Variants in MRPS31 observed in about 807,000 individuals in gnomAD.
The protein encoded by MRPS31 is mitochondrial ribosomal protein S31.
A neutral mutation model predicts 43.1 loss-of-function variants in MRPS31; 32 were observed. The ratio of observed to expected loss-of-function variants is 0.74; its 90% CI spans 0.56 to 1.00. The LOEUF (loss-of-function observed/expected upper bound fraction) is 1.00. MRPS31 is among the 50% of genes least tolerant of loss of function. The pLI is 0.00. For synonymous variants in MRPS31, 165 were observed against 161.6 expected (o/e 1.02, Z -0.16); for missense variants, 437 against 466.7 (o/e 0.94, Z 0.59).
intron 3 of MRPS31, among the ~76,000 whole-genome samples, chr13:40,757,818 G>T (rs1320318037): frequency 6.7e-6 from 1 of 148,896 alleles, no homozygotes; most frequent in Non-Finnish European, 1.5e-5. Context: ...TGAGATCACA[G>T]CTCAATGCAA....
In MRPS31 at chr13:40,741,182, G is replaced by A. The variant is rs1293447182; in HGVS notation, c.958+7956C>T. Among the ~76,000 whole-genome samples the A allele has an allele frequency of 7.9e-5, 12 of 151,986 alleles. No individual in the cohort carries two copies. In the East Asian group the frequency reaches 1.4e-3, roughly 17 times the overall value. On this transcript the variant is annotated intron_variant, in intron 6 of 6. Transcript: ENST00000323563. The stretch of plus-strand genomic sequence containing the variant: ...TAAAAGATTAAAAACTGTTGGCTCT[G>A]AGAACAGGCTTAATAGGTGATAAAA...
intron 2 of MRPS31, among the ~76,000 whole-genome samples, chr13:40,765,342 T>C (rs1880815050): frequency 6.6e-6 from 1 of 152,226 alleles, no homozygotes; most frequent in Admixed American, 6.5e-5. Context: ...GCCTCACTCA[T>C]ACCTAATTGG....
At chr13:40,736,635 T>C (rs1430507684) in intron 6 of MRPS31, among the ~76,000 whole-genome samples, 1 of 150,696 alleles carries the variant, frequency 6.6e-6, no homozygotes, top group African/African-American at 2.5e-5. Context: ...TTGAACATTC[T>C]TAAAGAAAAG....
At chr13:40,755,261 T>C (rs1216081508) in intron 4 of MRPS31, among the ~76,000 whole-genome samples, 1 of 152,250 alleles carries the variant, frequency 6.6e-6, no homozygotes, top group East Asian at 1.9e-4. Context: ...CTCTCTTCAG[T>C]GCCTTGCATT....
At position 40,759,101 on chromosome 13, in the gene MRPS31, T is replaced by C; in HGVS notation, c.446A>G (p.Glu149Gly). The change falls in exon 3 of 7, where the codon GAG (glutamate) becomes GGG (glycine). Residue 149 changes from glutamate to glycine, a missense_variant. Glu to Gly is a moderately conservative substitution (Grantham distance 98). Transcript: ENST00000323563. The stretch of plus-strand genomic sequence containing the variant: ...TGCCACCAACTCAGGACTCAGGGGC[T>C]CAATTCTGAAAAAGAAAATGAAAAA... ...ATEYAPKKRI[E>G]PLSPELVAAA... 1 of 1,567,852 alleles carries C rather than the reference T, an allele frequency of 6.4e-7. No individual in the cohort carries two copies. Among genetic ancestry groups the C allele is most frequent in the Non-Finnish European group, 8.6e-7 (1 of 1,162,832 alleles).
rs756255100 is a variant in MRPS31 at position 40,759,119 on chromosome 13, A to T, written c.441-13T>A. On this transcript the variant is annotated splice_polypyrimidine_tract_variant and intron_variant, in intron 2 of 6. Coordinates refer to ENST00000323563, the MANE Select transcript of MRPS31 (RefSeq NM_005830.4). ...CAGGGGCTCAATTCTGAAAAAGAAA[A>T]TGAAAAACAAATGAGAAAGAAAAAA... is the stretch of plus-strand genomic sequence containing the variant. 6.4e-7 allele frequency: 1 copy of T among 1,562,460 alleles called. No homozygotes were observed. Among genetic ancestry groups the T allele is most frequent in the Admixed American group, 2.0e-5 (1 of 50,438 alleles).
In MRPS31 at chr13:40,771,120, G is replaced by C; in HGVS notation, c.17C>G (p.Ser6Trp). ...AAGGGGGCGAAGAGGTAGGAACGTC[G>C]AGACTCTAGGAAACATCGCCGAGAC... is the stretch of plus-strand genomic sequence containing the variant. MFPRV[S>W]TFLPLRPLSR... The change falls in exon 1 of 7, where the codon TCG (serine) becomes TGG (tryptophan). Residue 6 changes from serine (S) to tryptophan (W), a missense_variant. Ser to Trp is a radical substitution (Grantham distance 177). Transcript: ENST00000323563. The C allele has an allele frequency of 1.2e-6, 2 of 1,611,518 alleles. No homozygotes were observed. The highest frequency in any genetic ancestry group is 8.5e-7 in the Non-Finnish European group (1 of 1,178,610).
intron 6 of MRPS31, among the ~76,000 whole-genome samples, chr13:40,741,787 G>T (rs1018846948): frequency 3.3e-5 from 5 of 151,990 alleles, no homozygotes; most frequent in African/African-American, 1.2e-4. Flanking sequence ...ATTATAGTCT[G>T]CATTCATAAC....
In MRPS31 at chr13:40,754,053, G is replaced by A; in HGVS notation, c.780C>T (p.Asp260=). 2 of 1,599,744 alleles carry A rather than the reference G, an allele frequency of 1.3e-6. No homozygotes were observed. Among genetic ancestry groups the A allele is most frequent in the Non-Finnish European group, 1.7e-6 (2 of 1,171,590 alleles). ...IFTGKRLNIF[D]MMAVTKEAPE... is the part of the protein sequence containing the mutation. ...GTGCTTCTTTAGTAACTGCCATCAT[G>A]TCAAAAATATTAAGTCTTTTCCCTG... Residue 260 remains aspartate, a synonymous_variant, in exon 5 of 7, where the codon GAC becomes GAT. Transcript: ENST00000323563.
At chr13:40,729,886 C>T (rs544861938) in intron 6 of MRPS31, among the ~76,000 whole-genome samples, 4 of 151,840 alleles carry the variant, frequency 2.6e-5, no homozygotes, top group Admixed American at 1.3e-4. Context: ...TGTACCACCA[C>T]GCCCAGCTAA....
chr13:40,771,167 A>G lies in MRPS31; in HGVS notation c.-31T>C, dbSNP rs749153113. The stretch of plus-strand genomic sequence containing the variant: ...AGACACGAAATGAACCAAGAACACA[A>G]CTGAAATGGTGCGTCCCGCTGCCAA... On this transcript the variant is annotated 5_prime_UTR_variant, in exon 1 of 7. Transcript: ENST00000323563. The G allele has an allele frequency of 5.1e-6, 8 of 1,568,488 alleles. No individual in the cohort carries two copies. The South Asian group carries it at 7.0e-5, about 14-fold the overall frequency.
chr13:40,764,503 T>C (rs755452403), intron 2 of MRPS31, among the ~76,000 whole-genome samples: 1 of 152,074 alleles, frequency 6.6e-6, no homozygotes, highest in Non-Finnish European at 1.5e-5. Context: ...GTGGTTGTGA[T>C]AAAAACAAAT....
intron 3 of MRPS31, 68 bp from the exon 4 acceptor site, chr13:40,757,081 C>T (rs1880551352): frequency 3.3e-6 from 4 of 1,214,142 alleles, no homozygotes; most frequent in African/African-American, 1.5e-5. Flanking sequence ...CTTCCTTTAA[C>T]AGGAGACTTG....
At chr13:40,758,262 C>A (rs7317013) in intron 3 of MRPS31, among the ~76,000 whole-genome samples, 1 of 152,192 alleles carries the variant, frequency 6.6e-6, no homozygotes, top group East Asian at 1.9e-4. Flanking sequence ...TCTTGCTTTT[C>A]TGCCCAGGCT....
intron 2 of MRPS31, among the ~76,000 whole-genome samples, chr13:40,764,279 T>A (rs1880782144): frequency 6.6e-6 from 1 of 152,208 alleles, no homozygotes; most frequent in South Asian, 2.1e-4. Context: ...TACCTGCATA[T>A]AAGTAATGCA....
At chr13:40,732,768 G>T (rs1326759427) in intron 6 of MRPS31, among the ~76,000 whole-genome samples, 1 of 151,982 alleles carries the variant, frequency 6.6e-6, no homozygotes, top group Non-Finnish European at 1.5e-5. Flanking sequence ...CCTGTACATG[G>T]CTGTTGAGCA....
chr13:40,756,144 T>C (rs901556461), intron 4 of MRPS31, among the ~76,000 whole-genome samples: 21 of 152,224 alleles, frequency 1.4e-4, no homozygotes, highest in Admixed American at 1.2e-3. Flanking sequence ...CCATGGAATA[T>C]ACAATGCATT....
At chr13:40,755,731 T>C (rs1448410759) in intron 4 of MRPS31, among the ~76,000 whole-genome samples, 5 of 152,328 alleles carry the variant, frequency 3.3e-5, no homozygotes, top group Non-Finnish European at 7.3e-5. Flanking sequence ...GCTGGCTTTT[T>C]AACACATTGA....
At chr13:40,762,617 G>A (rs1271445269) in intron 2 of MRPS31, among the ~76,000 whole-genome samples, 1 of 150,296 alleles carries the variant, frequency 6.7e-6, no homozygotes, top group East Asian at 1.9e-4. Context: ...TTCATTTTTT[G>A]TAGAGACTGG....
Sources: allele counts gnomAD v4.1 joint callset (sites outside exome capture counted in the v4.1 genomes callset), GRCh38; gene constraint gnomAD v4.1.1; transcripts MANE v1.5; gene names NCBI Gene and HGNC (gene_info 2026-07-23, HGNC 2026-07-21).